Variants in PHKB observed in about 807,000 individuals in gnomAD.
The protein encoded by PHKB is phosphorylase b kinase regulatory subunit beta.
In PHKB, 122 loss-of-function variants were observed where a neutral mutation model predicts 152.1. The observed-to-expected ratio is 0.80, with a 90% CI of 0.69 to 0.93. PHKB has a LOEUF of 0.93. Among genes scored for constraint, PHKB ranks in the 40% least tolerant of loss-of-function variants. The probability of loss-of-function intolerance (pLI) is 0.00; values close to 1 mark genes in which losing one functional copy is unlikely to be tolerated. For synonymous variants in PHKB, 436 were observed against 464.9 expected, an observed-to-expected ratio of 0.94 and a Z score of 0.80; for missense variants, 1,304 against 1,328.4, an observed-to-expected ratio of 0.98 and a Z score of 0.29.
rs140112731 is a variant in PHKB, at chr16:47,699,645, C to G, written c.*279C>G. ...AATAGTTTATGAATTGAAAATTTGCCGCTGCATGTTGTATGATCAAATAGT... is the reference window on the plus strand; with the variant it reads ...AATAGTTTATGAATTGAAAATTTGCGGCTGCATGTTGTATGATCAAATAGT... On this transcript the variant is annotated 3_prime_UTR_variant, in exon 31 of 31. Coordinates refer to ENST00000323584, the MANE Select transcript of PHKB (RefSeq NM_000293.3). 6.6e-6 allele frequency: 3 copies of G among 452,174 alleles called. No individual in the cohort carries two copies. Among genetic ancestry groups the G allele is most frequent in the African/African-American group, 5.9e-5 (3 of 50,636 alleles). 28.0% of individuals were successfully genotyped at this position (452,174 alleles called of 1,614,324 possible). A position where few individuals can be genotyped will look rare whatever the true frequency, so the allele number is the denominator to read the frequency against.
chr16:47,570,849 A>G (rs1388195317), intron 7 of PHKB, among the ~76,000 whole-genome samples: 1 of 152,054 alleles, frequency 6.6e-6, no homozygotes, highest in Non-Finnish European at 1.5e-5. Flanking sequence ...TAGTATTGTA[A>G]ATAAAACTGT....
chr16:47,674,433 AAGACGCTATGAAAAGTTC>A (rs1408410527), intron 26 of PHKB, among the ~76,000 whole-genome samples: 1 of 152,182 alleles, frequency 6.6e-6, no homozygotes, highest in Non-Finnish European at 1.5e-5. Context: ...ACCTAATATT[AAGACGCTATGAAAAGTTC>A]AGAGAAGTCT....
intron 14 of PHKB, among the ~76,000 whole-genome samples, chr16:47,639,236 C>CACTCCACT (rs1283171672): frequency 1.3e-5 from 2 of 152,140 alleles, no homozygotes; most frequent in Non-Finnish European, 2.9e-5. Flanking sequence ...ATCACTCCAC[C>CACTCCACT]ACTCCACTAC....
intron 6 of PHKB, among the ~76,000 whole-genome samples, chr16:47,523,244 T>C (rs1970714852): frequency 6.6e-6 from 1 of 152,216 alleles, no homozygotes; most frequent in African/African-American, 2.4e-5. Context: ...TAGAATAATA[T>C]ATTAACTCCA....
At chr16:47,551,438 A>G (rs1971269047) in intron 7 of PHKB, among the ~76,000 whole-genome samples, 1 of 152,174 alleles carries the variant, frequency 6.6e-6, no homozygotes, top group Non-Finnish European at 1.5e-5. Flanking sequence ...GGTTTCAAAG[A>G]ACTTATTTAT....
At chr16:47,635,448 G>C (rs1972902302) in intron 14 of PHKB, among the ~76,000 whole-genome samples, 1 of 152,084 alleles carries the variant, frequency 6.6e-6, no homozygotes, top group Non-Finnish European at 1.5e-5. Flanking sequence ...AGCTGTTTTT[G>C]GTTATGGGGT....
chr16:47,625,372 C>T (rs1249327432), intron 14 of PHKB, among the ~76,000 whole-genome samples: 6 of 152,218 alleles, frequency 3.9e-5, no homozygotes. Flanking sequence ...AGTAGCTTTT[C>T]ATTCCACTTA....
intron 1 of PHKB, among the ~76,000 whole-genome samples, chr16:47,467,815 C>G (rs768782030): frequency 6.6e-6 from 1 of 152,132 alleles, no homozygotes. Flanking sequence ...ATTCTAAAAG[C>G]GATTTTCCTT....
chr16:47,548,898 A>G (rs1971222474), intron 7 of PHKB, among the ~76,000 whole-genome samples: 3 of 152,216 alleles, frequency 2.0e-5, no homozygotes, highest in African/African-American at 7.2e-5. Context: ...TTGAATGTGT[A>G]GCATAAGAAC....
At chr16:47,546,923 A>G (rs1971179976) in intron 6 of PHKB, among the ~76,000 whole-genome samples, 1 of 152,128 alleles carries the variant, frequency 6.6e-6, no homozygotes, top group Non-Finnish European at 1.5e-5. Context: ...GGTGCAGGAT[A>G]TAATCTCCTG....
chr16:47,616,360 G>A (rs1972513788), intron 14 of PHKB, among the ~76,000 whole-genome samples: 1 of 150,850 alleles, frequency 6.6e-6, no homozygotes, highest in Non-Finnish European at 1.5e-5. Flanking sequence ...ACGGTGTGAG[G>A]CATAGAGCCA....
chr16:47,521,621 C>T (rs1970686434), intron 6 of PHKB, among the ~76,000 whole-genome samples: 1 of 151,600 alleles, frequency 6.6e-6, no homozygotes, highest in Non-Finnish European at 1.5e-5. Context: ...TGCCATTGCC[C>T]TCCAGCCTGG....
At chr16:47,542,544 T>G (rs985914064) in intron 6 of PHKB, among the ~76,000 whole-genome samples, 1 of 152,240 alleles carries the variant, frequency 6.6e-6, no homozygotes, top group Non-Finnish European at 1.5e-5. Context: ...AAGAAAGTCC[T>G]TGGCAGCTTG....
intron 22 of PHKB, among the ~76,000 whole-genome samples, 172 bp from the exon 23 acceptor site, chr16:47,661,547 C>T (rs1973443795): frequency 6.6e-6 from 1 of 152,120 alleles, no homozygotes; most frequent in Non-Finnish European, 1.5e-5. Context: ...AAATATGAAT[C>T]GTTGTATAAT....
intron 14 of PHKB, among the ~76,000 whole-genome samples, chr16:47,616,617 A>G (rs953935887): frequency 3.4e-5 from 5 of 145,528 alleles, no homozygotes; most frequent in Non-Finnish European, 7.6e-5. Context: ...ACATATAAAT[A>G]TCATATATTA....
chr16:47,591,447 A>G (rs1053058954), intron 10 of PHKB, among the ~76,000 whole-genome samples: 2 of 152,166 alleles, frequency 1.3e-5, no homozygotes, highest in Admixed American at 6.5e-5. Context: ...CGTTTCACAG[A>G]ACTTGGCATT....
rs1273669177 is a variant in PHKB, at chr16:47,660,548, C to T, written c.2014C>T (p.Arg672Ter). 8.1e-6 allele frequency: 13 copies of T among 1,613,562 alleles called. No homozygotes were observed. The East Asian group carries it at 8.9e-5, about 11-fold the overall frequency. The stretch of plus-strand genomic sequence containing the variant: ...TGTGGTAGAACAACTTGATTTCCTA[C>T]GAATCAGTGACACAGAAGAGTAAGT... Reference protein sequence around the residue: ...GAVVEQLDFLRISDTEELPEF... With the variant: ...GAVVEQLDFL The change falls in exon 21 of 31, where the codon CGA becomes TGA. Residue 672 changes from arginine (R) to a stop codon, truncating the protein, a stop_gained. Transcript: ENST00000323584. LOFTEE classifies it high-confidence loss of function.
intron 14 of PHKB, among the ~76,000 whole-genome samples, chr16:47,626,995 T>A (rs1245039210): frequency 1.3e-5 from 2 of 152,202 alleles, no homozygotes; most frequent in Non-Finnish European, 2.9e-5. Flanking sequence ...TGGACTTGCT[T>A]CTTTTTCTCC....
At chr16:47,679,924 T>C (rs1015302719) in intron 26 of PHKB, among the ~76,000 whole-genome samples, 4 of 152,246 alleles carry the variant, frequency 2.6e-5, no homozygotes, top group Non-Finnish European at 5.9e-5. Context: ...ATAGCTCTTA[T>C]TATTTTGAGA....
Sources: allele counts gnomAD v4.1 joint callset (sites outside exome capture counted in the v4.1 genomes callset), GRCh38; gene constraint gnomAD v4.1.1; transcripts MANE v1.5; gene names NCBI Gene and HGNC (gene_info 2026-07-23, HGNC 2026-07-21).